Variants in OTUD7A observed in about 807,000 individuals in gnomAD.
OTUD7A encodes the protein OTU deubiquitinase 7A.
In OTUD7A, 12 loss-of-function variants were observed where a neutral mutation model predicts 65.7. The observed-to-expected ratio is 0.18, with a 90% CI of 0.12 to 0.30. The LOEUF (loss-of-function observed/expected upper bound fraction) is 0.30. OTUD7A is among the 10% of genes least tolerant of loss of function. OTUD7A has a pLI of 1.00. For missense variants in OTUD7A, 1,148 were observed against 1,304.8 expected (o/e 0.88, Z 1.85); for synonymous variants, 641 against 586.3 (o/e 1.09, Z -1.35).
intron 3 of OTUD7A, among the ~76,000 whole-genome samples, chr15:31,588,201 G>T (rs1437016464): frequency 1.3e-5 from 2 of 152,150 alleles, no homozygotes; most frequent in Admixed American, 1.3e-4. Context: ...CAATGAAAAA[G>T]CAATTTAATT....
intron 4 of OTUD7A, among the ~76,000 whole-genome samples, chr15:31,561,784 T>TCACACACACACA (rs3075495): frequency 0.23 from 34,987 of 150,362 alleles, 4,535 homozygotes; most frequent in East Asian, 0.64. Context: ...ACACACAGAG[T>TCACACACACACA]CACACACACA....
intron 1 of OTUD7A, among the ~76,000 whole-genome samples, chr15:31,789,987 GCTGA>G (rs940323958): frequency 5.9e-4 from 90 of 152,312 alleles, no homozygotes; most frequent in African/African-American, 2.1e-3. Context: ...GGGGAGACTG[GCTGA>G]CTAATGCCTA....
rs1250267739 is a variant in OTUD7A, at chr15:31,475,434, C to T, written c.*7860G>A. 1.3e-5 allele frequency: 2 copies of T among 152,166 alleles called. No homozygotes were observed. The highest frequency in any genetic ancestry group is 4.8e-5 in the African/African-American group (2 of 41,428). 9.4% of individuals were successfully genotyped at this position (152,166 alleles called of 1,614,324 possible). On this transcript the variant is annotated 3_prime_UTR_variant, in exon 13 of 13. Coordinates refer to ENST00000307050, the MANE Select transcript of OTUD7A (RefSeq NM_001382637.1). Reference sequence around the variant, plus strand: ...CATGTTAATTTTATTGAGTAGGCATCAAAGCTTCTCTCTGTGTCAGGTAAT... The same window carrying T: ...CATGTTAATTTTATTGAGTAGGCATTAAAGCTTCTCTCTGTGTCAGGTAAT...
At chr15:31,837,180 T>A (rs1000258067) in intron 1 of OTUD7A, among the ~76,000 whole-genome samples, 1 of 152,158 alleles carries the variant, frequency 6.6e-6, no homozygotes, top group African/African-American at 2.4e-5. Context: ...TGTTTCTATA[T>A]ACTAGCAATG....
intron 6 of OTUD7A, among the ~76,000 whole-genome samples, chr15:31,527,943 GA>G (rs1013974016): frequency 2.6e-5 from 4 of 152,222 alleles, no homozygotes; most frequent in African/African-American, 9.6e-5. Context: ...ATGTGATCAA[GA>G]ACCCCAACTC....
intron 3 of OTUD7A, among the ~76,000 whole-genome samples, chr15:31,651,921 C>T (rs1204563059): frequency 1.4e-5 from 2 of 144,954 alleles, no homozygotes; most frequent in East Asian, 2.1e-4. Flanking sequence ...TGTAGATTTA[C>T]TAAAATTGTA....
intron 1 of OTUD7A, among the ~76,000 whole-genome samples, chr15:31,755,541 G>T (rs901831970): frequency 1.1e-4 from 16 of 152,086 alleles, no homozygotes; most frequent in African/African-American, 3.9e-4. Context: ...CTAACACGGT[G>T]AAACCCCGTC....
At chr15:31,838,886 A>G (rs1302540474) in intron 1 of OTUD7A, among the ~76,000 whole-genome samples, 2 of 152,124 alleles carry the variant, frequency 1.3e-5, no homozygotes, top group Admixed American at 6.5e-5. Flanking sequence ...TAATCCACTC[A>G]ACAGTCAGAG....
chr15:31,576,755 C>T (rs1384783673), intron 3 of OTUD7A, among the ~76,000 whole-genome samples: 1 of 152,120 alleles, frequency 6.6e-6, no homozygotes, highest in Non-Finnish European at 1.5e-5. Context: ...ATGTGGAAAA[C>T]TTAGAATATT....
intron 8 of OTUD7A, among the ~76,000 whole-genome samples, chr15:31,505,514 TG>T (rs1398628220): frequency 6.6e-6 from 1 of 152,150 alleles, no homozygotes; most frequent in Non-Finnish European, 1.5e-5. Flanking sequence ...GGAAAGGCTT[TG>T]AAGAGAAAAC....
At chr15:31,632,140 G>A (rs1417552711) in intron 3 of OTUD7A, among the ~76,000 whole-genome samples, 8 of 152,194 alleles carry the variant, frequency 5.3e-5, no homozygotes, top group African/African-American at 1.9e-4. Context: ...GAGAAGGTGC[G>A]TTCCTTTGGA....
At chr15:31,683,339 C>T (rs1278110578) in intron 1 of OTUD7A, among the ~76,000 whole-genome samples, 1 of 152,032 alleles carries the variant, frequency 6.6e-6, no homozygotes, top group African/African-American at 2.4e-5. Context: ...AAGAACCCAC[C>T]CAGCTTTCTA....
chr15:31,534,907 T>G (rs138956902), intron 5 of OTUD7A, among the ~76,000 whole-genome samples: 284 of 152,148 alleles, frequency 1.9e-3, no homozygotes, highest in African/African-American at 6.4e-3. Context: ...GTAATTTTGA[T>G]CCTCACTTGG....
rs772278585 is a variant in OTUD7A at position 31,618,331 on chromosome 15, C to T, written c.151+36765G>A. ...GCTAGGTCAAATGGTATTTCCAGTTCTAAATACCTGAGGAATCGCCACACT... is the reference window on the plus strand; with the variant it reads ...GCTAGGTCAAATGGTATTTCCAGTTTTAAATACCTGAGGAATCGCCACACT... On this transcript the variant is annotated intron_variant, in intron 3 of 12. Coordinates refer to ENST00000307050, the MANE Select transcript of OTUD7A (RefSeq NM_001382637.1). Among the ~76,000 whole-genome samples the T allele has an allele frequency of 2.0e-4, 30 of 152,302 alleles. No homozygotes were observed. In the Middle Eastern group the frequency reaches 0.01, roughly 52 times the overall value.
At chr15:31,590,904 A>G (rs1159090512) in intron 3 of OTUD7A, among the ~76,000 whole-genome samples, 1 of 152,210 alleles carries the variant, frequency 6.6e-6, no homozygotes, top group Non-Finnish European at 1.5e-5. Flanking sequence ...GGCTCCCTGT[A>G]CGTGCAGGCA....
rs148958751 is a variant in OTUD7A at position 31,726,712 on chromosome 15, A to G, written c.-99-69635T>C. 6.9e-3 allele frequency among the ~76,000 whole-genome samples: 1,052 copies of G among 152,294 alleles called. 13 individuals are homozygous for G. Among genetic ancestry groups the G allele is most frequent in the African/African-American group, 0.024 (1,005 of 41,560 alleles). ...CATCAGTAACTTCATGTGGGCTCCA[A>G]TGGCTGCAATGATCCACTGTACCTA... On this transcript the variant is annotated intron_variant, in intron 1 of 12. Coordinates refer to ENST00000307050, the MANE Select transcript of OTUD7A (RefSeq NM_001382637.1).
At chr15:31,803,878 CA>C (rs1010219621) in intron 1 of OTUD7A, among the ~76,000 whole-genome samples, 42 of 152,190 alleles carry the variant, frequency 2.8e-4, no homozygotes, top group African/African-American at 9.9e-4. Context: ...ATGGAATTCA[CA>C]ATAAGTTCTC....
At chr15:31,499,861 G>A (rs993908327) in intron 10 of OTUD7A, among the ~76,000 whole-genome samples, 9 of 152,216 alleles carry the variant, frequency 5.9e-5, no homozygotes, top group African/African-American at 1.9e-4. Context: ...GTCATCAGAA[G>A]TGAAACCACC....
intron 1 of OTUD7A, among the ~76,000 whole-genome samples, chr15:31,658,903 G>A (rs1892071468): frequency 6.6e-6 from 1 of 151,066 alleles, no homozygotes; most frequent in South Asian, 2.1e-4. Context: ...GTGGTGGCAG[G>A]CACCTGTAAT....
Sources: gnomAD v4.1 joint callset for allele counts (sites outside exome capture counted in the v4.1 genomes callset) on GRCh38, gnomAD v4.1.1 for gene constraint, MANE v1.5 for transcripts, NCBI Gene and HGNC (gene_info 2026-07-23, HGNC 2026-07-21) for gene names.